The following FBRSL1 variants were observed in gnomAD, a reference collection of about 807,000 sequenced individuals.
The protein encoded by FBRSL1 is fibrosin-1-like protein.
A neutral mutation model predicts 89.6 loss-of-function variants in FBRSL1; 51 were observed. The ratio of observed to expected loss-of-function variants is 0.57; its 90% confidence interval spans 0.45 to 0.72. The LOEUF is 0.72. FBRSL1 is among the 30% of genes least tolerant of loss of function. The probability of loss-of-function intolerance (pLI) is 0.00; values close to 1 mark genes in which losing one functional copy is unlikely to be tolerated. For missense variants in FBRSL1, 1,618 were observed against 1,451.8 expected (o/e 1.11, Z -1.86); for synonymous variants, 779 against 681.1 (o/e 1.14, Z -2.24).
chr12:132,495,909 T>A (rs976721714), intron 1 of FBRSL1, among the ~76,000 whole-genome samples: 20 of 152,224 alleles, frequency 1.3e-4, no homozygotes, highest in Non-Finnish European at 2.4e-4. Context: ...GTCCTCTGCC[T>A]GTGCTTCTGC....
Position 132,527,938 on chromosome 12 carries a change from T to C in FBRSL1, c.580-15T>C, listed in dbSNP as rs2136963164. On this transcript the variant is annotated splice_polypyrimidine_tract_variant and intron_variant, in intron 3 of 18. Coordinates refer to ENST00000680143, the MANE Select transcript of FBRSL1 (RefSeq NM_001367871.1). ...AGTGGCAGCCTCACTGACTGTCCCC[T>C]CTTCCTTCCTGCAGAGCTCTGCGCA... 1 of 1,551,082 alleles carries C rather than the reference T, an allele frequency of 6.4e-7. No individual in the cohort carries two copies.
chr12:132,505,614 A>T (rs2033586761), intron 1 of FBRSL1, among the ~76,000 whole-genome samples: 1 of 152,164 alleles, frequency 6.6e-6, no homozygotes, highest in Admixed American at 6.5e-5. Flanking sequence ...ACGTGGAGTG[A>T]CTGAGCGACT....
chr12:132,500,855 A>T (rs1290414768), intron 1 of FBRSL1, among the ~76,000 whole-genome samples: 2 of 152,148 alleles, frequency 1.3e-5, no homozygotes, highest in Non-Finnish European at 2.9e-5. Flanking sequence ...CTCCTGCCGC[A>T]GTGTCCCCCA....
chr12:132,582,362 T>A, intron 18 of FBRSL1, 96 bp downstream of exon 18: 1 of 968,932 alleles, frequency 1.0e-6, no homozygotes, highest in Non-Finnish European at 1.5e-6. Context: ...CCGTTCCCTC[T>A]TCTCCCCGTT....
At chr12:132,497,145 C>T (rs1475905936) in intron 1 of FBRSL1, among the ~76,000 whole-genome samples, 2 of 152,232 alleles carry the variant, frequency 1.3e-5, no homozygotes, top group South Asian at 2.1e-4. Flanking sequence ...TTTTCTGTAA[C>T]GTCAAAATGG....
intron 15 of FBRSL1, among the ~76,000 whole-genome samples, chr12:132,578,726 C>CTG (rs2040548374): frequency 1.3e-5 from 2 of 151,842 alleles, no homozygotes; most frequent in African/African-American, 2.4e-5. Flanking sequence ...GCTGCAGCCC[C>CTG]CCCTCACTCT....
At chr12:132,510,680 A>AG in intron 2 of FBRSL1, 1 of 1,227,184 alleles carries the variant, frequency 8.1e-7, no homozygotes, top group East Asian at 3.2e-5. Flanking sequence ...CACACCAGGA[A>AG]GAGAGATGAA....
intron 4 of FBRSL1, among the ~76,000 whole-genome samples, chr12:132,541,499 G>A (rs1280821164): frequency 6.6e-6 from 1 of 152,338 alleles, no homozygotes; most frequent in Non-Finnish European, 1.5e-5. Context: ...CCCACCTGGC[G>A]GTGCCCCCCC....
chr12:132,541,458 C>T (rs1001688268), intron 4 of FBRSL1, among the ~76,000 whole-genome samples: 2 of 152,166 alleles, frequency 1.3e-5, no homozygotes, highest in Non-Finnish European at 2.9e-5. Context: ...GGACAGCTGC[C>T]CAGCTGCGTG....
chr12:132,522,844 C>T (rs1566138028), intron 2 of FBRSL1, among the ~76,000 whole-genome samples: 1 of 151,962 alleles, frequency 6.6e-6, no homozygotes, highest in African/African-American at 2.4e-5. Flanking sequence ...CCCCGGCCTG[C>T]GCTGCCTTTC....
intron 5 of FBRSL1, among the ~76,000 whole-genome samples, chr12:132,559,816 G>A (rs2038956630): frequency 6.6e-6 from 1 of 152,058 alleles, no homozygotes; most frequent in South Asian, 2.1e-4. Context: ...CCGGCGCTGC[G>A]CGCCTTTCCC....
At chr12:132,538,051 G>T (rs375037748) in intron 4 of FBRSL1, among the ~76,000 whole-genome samples, 2 of 152,162 alleles carry the variant, frequency 1.3e-5, no homozygotes, top group Non-Finnish European at 2.9e-5. Flanking sequence ...TTGGGGGAAC[G>T]GGCTCACCCA....
At chr12:132,542,702 T>C (rs2037364665) in intron 4 of FBRSL1, among the ~76,000 whole-genome samples, 1 of 152,114 alleles carries the variant, frequency 6.6e-6, no homozygotes, top group Non-Finnish European at 1.5e-5. Flanking sequence ...GGCCCCTCTG[T>C]CTCCTATCTC....
intron 4 of FBRSL1, among the ~76,000 whole-genome samples, chr12:132,539,219 G>A (rs1030447868): frequency 7.2e-5 from 11 of 152,180 alleles, no homozygotes; most frequent in South Asian, 6.2e-4. Flanking sequence ...CCTGGGGAGC[G>A]GGCGGAGAGT....
intron 11 of FBRSL1, among the ~76,000 whole-genome samples, 159 bp from the exon 12 acceptor site, chr12:132,573,931 G>A (rs1176632676): frequency 6.6e-6 from 1 of 152,176 alleles, no homozygotes; most frequent in Non-Finnish European, 1.5e-5. Flanking sequence ...AAAGTGTGGT[G>A]GTCCTGCGAG....
In FBRSL1 at chr12:132,546,269, A is replaced by G. The variant is rs1193137104; in HGVS notation, c.616-1734A>G. On this transcript the variant is annotated intron_variant, in intron 4 of 18. Transcript: ENST00000680143. This position sits in a 1 kb window ranked among gnomAD's most constrained non-coding sequence, Gnocchi z 4.0. ...GGGGAGATGGAGGACTCAGAGGCCCAGGGCCACCAGCAAAGCTGGTCTGCA... is the reference window on the plus strand; with the variant it reads ...GGGGAGATGGAGGACTCAGAGGCCCGGGGCCACCAGCAAAGCTGGTCTGCA... 6.6e-6 allele frequency among the ~76,000 whole-genome samples: 1 copy of G among 152,258 alleles called. No homozygotes were observed. The highest frequency in any genetic ancestry group is 1.5e-5 in the Non-Finnish European group (1 of 68,040).
At chr12:132,500,697 T>G (rs548766175) in intron 1 of FBRSL1, among the ~76,000 whole-genome samples, 24 of 149,918 alleles carry the variant, frequency 1.6e-4, no homozygotes, top group African/African-American at 5.7e-4. Context: ...CTTACAGGGA[T>G]CCCAGGCCCT....
chr12:132,538,677 C>T (rs1345027744), intron 4 of FBRSL1, among the ~76,000 whole-genome samples: 1 of 152,234 alleles, frequency 6.6e-6, no homozygotes, highest in Non-Finnish European at 1.5e-5. Flanking sequence ...CAGAGCCTCA[C>T]TCACCTGCAG....
intron 5 of FBRSL1, among the ~76,000 whole-genome samples, chr12:132,556,072 T>C (rs948521346): frequency 1.3e-5 from 2 of 152,194 alleles, no homozygotes; most frequent in African/African-American, 4.8e-5. Flanking sequence ...TTCTGCACTT[T>C]CCCTGGGAGC....
Sources: allele counts gnomAD v4.1 joint callset (sites outside exome capture counted in the v4.1 genomes callset), GRCh38; gene constraint gnomAD v4.1.1; non-coding constraint Gnocchi (gnomAD v3.1); transcripts MANE v1.5; gene names NCBI Gene and HGNC (gene_info 2026-07-23, HGNC 2026-07-21).